ANO3: variants seen among roughly 807,000 people sequenced by gnomAD.
The protein encoded by ANO3 is anoctamin 3.
Under a neutral mutation model 144.8 loss-of-function variants are expected in ANO3, and 99 were observed. The ratio of observed to expected loss-of-function variants is 0.68; its 90% CI spans 0.58 to 0.81. The LOEUF is 0.81. ANO3 is among the 30% of genes least tolerant of loss of function. The probability of loss-of-function intolerance (pLI) is 0.00; values close to 1 mark genes in which losing one functional copy is unlikely to be tolerated. For missense variants in ANO3, 905 were observed against 1,202.2 expected (o/e 0.75, Z 3.66); for synonymous variants, 414 against 392.6 (o/e 1.05, Z -0.64).
At chr11:26,258,500 C>T (rs1853110345) in intron 1 of ANO3, among the ~76,000 whole-genome samples, 1 of 152,140 alleles carries the variant, frequency 6.6e-6, no homozygotes, top group African/African-American at 2.4e-5. Context: ...TGAGGTCTAA[C>T]TGGAAGCTGG....
chr11:26,274,601 T>C (rs1020298766), intron 1 of ANO3, among the ~76,000 whole-genome samples: 3 of 152,160 alleles, frequency 2.0e-5, no homozygotes, highest in East Asian at 3.9e-4. Context: ...GGTGATATTA[T>C]GAACATGCTA....
intron 1 of ANO3, among the ~76,000 whole-genome samples, chr11:26,415,762 C>T (rs927908183): frequency 6.6e-6 from 1 of 152,064 alleles, no homozygotes; most frequent in Non-Finnish European, 1.5e-5. Context: ...CTCTTTTCCT[C>T]TGTCATTGAA....
chr11:26,543,678 A>G (rs1158845379), intron 11 of ANO3, among the ~76,000 whole-genome samples: 1 of 152,092 alleles, frequency 6.6e-6, no homozygotes, highest in Admixed American at 6.5e-5. Context: ...CTCATTGTTC[A>G]GTTACCACCT....
chr11:26,251,977 AT>A (rs1301595084), intron 1 of ANO3, among the ~76,000 whole-genome samples: 16 of 152,326 alleles, frequency 1.1e-4, no homozygotes, highest in African/African-American at 3.6e-4. Context: ...GTGAGGTTAT[AT>A]CATGTATATG....
chr11:26,438,468 C>G (rs573159441), intron 1 of ANO3, among the ~76,000 whole-genome samples: 27 of 151,444 alleles, frequency 1.8e-4, no homozygotes, highest in African/African-American at 6.5e-4. Flanking sequence ...AGCTGCCGGC[C>G]GGGTGCAGTG....
chr11:26,241,872 A>C (rs949296865), intron 1 of ANO3, among the ~76,000 whole-genome samples: 1 of 152,216 alleles, frequency 6.6e-6, no homozygotes, highest in African/African-American at 2.4e-5. Context: ...TCCAGGGTCC[A>C]AACTTTTAAT....
chr11:26,623,775 T>A (rs896492505), intron 17 of ANO3, among the ~76,000 whole-genome samples: 4 of 151,568 alleles, frequency 2.6e-5, no homozygotes, highest in African/African-American at 4.8e-5. Context: ...TTAATTTTTA[T>A]TTATTTTTAT....
intron 4 of ANO3, among the ~76,000 whole-genome samples, chr11:26,488,268 C>T (rs570235557): frequency 1.3e-5 from 2 of 152,248 alleles, no homozygotes; most frequent in African/African-American, 4.8e-5. Context: ...GAAAAGAAAA[C>T]CCCATTTTTT....
chr11:26,228,601 C>T (rs867234034), intron 1 of ANO3, among the ~76,000 whole-genome samples: 4 of 151,852 alleles, frequency 2.6e-5, no homozygotes, highest in South Asian at 2.1e-4. Context: ...GAAGTTGAGC[C>T]GCTGCATTGA....
intron 1 of ANO3, among the ~76,000 whole-genome samples, chr11:26,303,311 G>A (rs1398304939): frequency 6.6e-6 from 1 of 151,910 alleles, no homozygotes; most frequent in Non-Finnish European, 1.5e-5. Context: ...TTCAATGGTG[G>A]ACTGATTTAA....
At chr11:26,435,292 T>C (rs1365896668) in intron 1 of ANO3, among the ~76,000 whole-genome samples, 4 of 152,248 alleles carry the variant, frequency 2.6e-5, no homozygotes, top group Non-Finnish European at 5.9e-5. Context: ...AGGTTCACTG[T>C]TGGCCTGATG....
chr11:26,443,898 T>C, intron 3 of ANO3, 62 bp downstream of exon 3: 1 of 1,187,248 alleles, frequency 8.4e-7, no homozygotes, highest in Non-Finnish European at 1.2e-6. Context: ...GCTGTGTTCT[T>C]CTAAAAAAAA....
intron 17 of ANO3, 146 bp from the exon 18 acceptor site, chr11:26,624,316 A>G (rs1852512676): frequency 1.7e-6 from 1 of 574,392 alleles, no homozygotes; most frequent in Non-Finnish European, 3.1e-6. Context: ...AAAGCCTTAC[A>G]TACTAAGTTT....
intron 3 of ANO3, among the ~76,000 whole-genome samples, chr11:26,447,059 A>G (rs1175562477): frequency 6.6e-6 from 1 of 152,030 alleles, no homozygotes; most frequent in East Asian, 1.9e-4. Context: ...AAAGAAAATA[A>G]TTAGTCAAGC....
In ANO3 at chr11:26,572,242, C is replaced by A. The variant is rs529570673; in HGVS notation, c.1447+12463C>A. On this transcript the variant is annotated intron_variant, in intron 14 of 26. Coordinates refer to ENST00000256737, the MANE Select transcript of ANO3 (RefSeq NM_031418.4). ...CAGAGCGCCCAGGAACCTGACTGAC[C>A]TGCTTCTCAGCTGTAAGCATTAAGA... The A allele has an allele frequency of 9.4e-5, 93 of 985,420 alleles. 1 individual carries two copies. The South Asian group carries it at 4.1e-3, about 43-fold the overall frequency. The allele number at this position is 985,420 out of a possible 1,614,324, so 61.0% of individuals were successfully genotyped here.
In ANO3 at chr11:26,584,152, TTTG is replaced by T. The variant is rs1186941562; in HGVS notation, c.1448-14210_1448-14208del. Among the ~76,000 whole-genome samples the T allele has an allele frequency of 1.4e-4, 7 of 50,660 alleles. No individual in the cohort carries two copies. In the East Asian group the frequency reaches 4.4e-3, roughly 32 times the overall value. The allele number at this position is 50,660 out of a possible 152,430, so 33.2% of individuals were successfully genotyped here. ...GGTGAGATTCTGTCTTGTTTTTTTG[TTTG>T]TTTGTTTGTTTGTTTGTTTGTTGAG... On this transcript the variant is annotated intron_variant, in intron 14 of 26. Coordinates refer to ENST00000256737, the MANE Select transcript of ANO3 (RefSeq NM_031418.4).
intron 3 of ANO3, among the ~76,000 whole-genome samples, chr11:26,459,095 CCA>C (rs1348295016): frequency 6.6e-6 from 1 of 151,972 alleles, no homozygotes; most frequent in Non-Finnish European, 1.5e-5. Context: ...TGCAAAAACC[CCA>C]CAGTGAGAAC....
rs576901575 is a variant in ANO3 at position 26,434,706 on chromosome 11, T to A, written c.47-7212T>A. Among the ~76,000 whole-genome samples, 29 of 152,312 alleles carry A rather than the reference T, an allele frequency of 1.9e-4. No homozygotes were observed. The South Asian group carries it at 5.2e-3, about 27-fold the overall frequency. On this transcript the variant is annotated intron_variant, in intron 1 of 26. Transcript: ENST00000256737. ...CCTAAAAGTCACTCAGGAAAATGGT[T>A]GTTTAATTTTCATGTAATTGCATGG... is the stretch of plus-strand genomic sequence containing the variant.
intron 1 of ANO3, among the ~76,000 whole-genome samples, chr11:26,252,752 T>C (rs1852962968): frequency 6.6e-6 from 1 of 152,212 alleles, no homozygotes; most frequent in South Asian, 2.1e-4. Flanking sequence ...TTTTCTTTCT[T>C]CACTACTCAG....
Sources: allele counts gnomAD v4.1 joint callset (sites outside exome capture counted in the v4.1 genomes callset), GRCh38; gene constraint gnomAD v4.1.1; transcripts MANE v1.5; gene names NCBI Gene and HGNC (gene_info 2026-07-23, HGNC 2026-07-21).